IQCM: variants seen among roughly 807,000 people sequenced by gnomAD.
IQCM encodes the protein IQ motif containing M.
Under a neutral mutation model 57.6 loss-of-function variants are expected in IQCM, and 45 were observed. That is an observed-to-expected ratio of 0.78 (90% CI 0.62 to 1.00). The LOEUF is 1.00. Among genes scored for constraint, IQCM ranks in the 50% least tolerant of loss-of-function variants. The pLI is 0.00. For synonymous variants in IQCM, 148 were observed against 158.9 expected (o/e 0.93, Z 0.51); for missense variants, 468 against 511.6 (o/e 0.91, Z 0.82).
chr4:149,730,634 T>C (rs985691929), intron 5 of IQCM, among the ~76,000 whole-genome samples: 1 of 152,226 alleles, frequency 6.6e-6, no homozygotes, highest in Non-Finnish European at 1.5e-5. Context: ...TCTTTCTCTT[T>C]TGAGTTAACA....
intron 12 of IQCM, among the ~76,000 whole-genome samples, chr4:149,442,896 A>C (rs1413325614): frequency 6.6e-6 from 1 of 151,778 alleles, no homozygotes; most frequent in African/African-American, 2.4e-5. Flanking sequence ...CAACTGATAT[A>C]GAGGAAGAAC....
intron 7 of IQCM, among the ~76,000 whole-genome samples, chr4:149,664,820 G>A (rs1579913099): frequency 6.6e-6 from 1 of 152,142 alleles, no homozygotes; most frequent in Non-Finnish European, 1.5e-5. Flanking sequence ...CTCCAGAGAG[G>A]CAGGGACACC....
chr4:149,509,297 A>G (rs185631795), intron 12 of IQCM, among the ~76,000 whole-genome samples: 2 of 151,166 alleles, frequency 1.3e-5, no homozygotes, highest in East Asian at 3.9e-4. Context: ...TTTTTTTTTG[A>G]GACAGGGTGT....
At position 149,741,323 on chromosome 4, in the gene IQCM, C is replaced by A. The variant is rs538574902; in HGVS notation, c.37+1332G>T. ...ATGCTAATAAGTTTCATATATACCT[C>A]AGACATATCTTACAGGGTACTGCCC... is the stretch of plus-strand genomic sequence containing the variant. On this transcript the variant is annotated intron_variant, in intron 3 of 13. Coordinates refer to ENST00000636793, the MANE Select transcript of IQCM (RefSeq NM_001363507.2). Among the ~76,000 whole-genome samples, 4 of 152,218 alleles carry A rather than the reference C, an allele frequency of 2.6e-5. No individual in the cohort carries two copies. The East Asian group carries it at 7.7e-4, about 29-fold the overall frequency.
chr4:149,602,563 T>A (rs920451318), intron 8 of IQCM, among the ~76,000 whole-genome samples: 2 of 152,108 alleles, frequency 1.3e-5, no homozygotes, highest in Non-Finnish European at 2.9e-5. Context: ...TCTGAATCTG[T>A]ATACTTACCT....
At chr4:149,544,035 C>A (rs1030637814) in intron 12 of IQCM, among the ~76,000 whole-genome samples, 4 of 152,036 alleles carry the variant, frequency 2.6e-5, no homozygotes, top group East Asian at 3.9e-4. Flanking sequence ...TCCAAACATA[C>A]AATGAAGCAT....
chr4:149,429,817 C>T (rs1734697444), intron 13 of IQCM: 1 of 387,972 alleles, frequency 2.6e-6, no homozygotes, highest in Admixed American at 4.5e-5. Context: ...AATTTAATAA[C>T]CATGTAATTC....
chr4:149,785,819 T>TAA (rs34985606), intron 2 of IQCM, among the ~76,000 whole-genome samples: 1,455 of 140,770 alleles, frequency 0.01, 82 homozygotes, highest in Admixed American at 0.091. Context: ...TTTAAAAATG[T>TAA]AAAAAAAAAA....
At chr4:149,718,618 A>T (rs1765192788) in intron 5 of IQCM, among the ~76,000 whole-genome samples, 1 of 152,236 alleles carries the variant, frequency 6.6e-6, no homozygotes, top group Admixed American at 6.5e-5. Flanking sequence ...CTTGTGACTT[A>T]AAACGACGAT....
chr4:149,757,156 G>T (rs1322007606), intron 2 of IQCM, among the ~76,000 whole-genome samples: 1 of 152,086 alleles, frequency 6.6e-6, no homozygotes, highest in African/African-American at 2.4e-5. Flanking sequence ...TACTCAGGAG[G>T]CTGAGGCAGG....
chr4:149,390,514 G>A (rs1487541290), intron 13 of IQCM, among the ~76,000 whole-genome samples: 1 of 151,678 alleles, frequency 6.6e-6, no homozygotes, highest in African/African-American at 2.4e-5. Flanking sequence ...TGATCTTAGG[G>A]GAAAAGTAAT....
intron 10 of IQCM, among the ~76,000 whole-genome samples, chr4:149,558,459 C>T (rs142415834): frequency 6.6e-5 from 10 of 152,130 alleles, no homozygotes; most frequent in African/African-American, 1.4e-4. Flanking sequence ...CAAGACTTTG[C>T]GAATAGATTA....
At chr4:149,725,808 G>A (rs887778880) in intron 5 of IQCM, among the ~76,000 whole-genome samples, 5 of 151,950 alleles carry the variant, frequency 3.3e-5, no homozygotes, top group Non-Finnish European at 5.9e-5. Flanking sequence ...ATCCTTCCTC[G>A]AACCAGCTCC....
chr4:149,673,752 T>C lies in IQCM; in HGVS notation c.565+8366A>G, dbSNP rs547971588. On this transcript the variant is annotated intron_variant, in intron 7 of 13. Transcript: ENST00000636793. ...TAACAAGGATATCCAGGAATTGAAC[T>C]CAGCTCTGCACCAAGCGGAACTAAT... 5.4e-4 allele frequency among the ~76,000 whole-genome samples: 82 copies of C among 152,252 alleles called. 1 individual carries two copies. The South Asian group carries it at 0.015, about 28-fold the overall frequency.
At chr4:149,645,006 T>G (rs1227354939) in intron 7 of IQCM, among the ~76,000 whole-genome samples, 1 of 152,178 alleles carries the variant, frequency 6.6e-6, no homozygotes, top group Non-Finnish European at 1.5e-5. Flanking sequence ...TAGACTGGAC[T>G]CTCCTAGATT....
At chr4:149,653,608 G>C (rs1339424284) in intron 7 of IQCM, among the ~76,000 whole-genome samples, 2 of 151,978 alleles carry the variant, frequency 1.3e-5, no homozygotes, top group Admixed American at 6.6e-5. Context: ...CTGAGCCATG[G>C]ATCAGGTGAG....
chr4:149,453,202 T>C (rs1737322450), intron 12 of IQCM, among the ~76,000 whole-genome samples: 1 of 151,642 alleles, frequency 6.6e-6, no homozygotes, highest in Non-Finnish European at 1.5e-5. Flanking sequence ...TAATTATTAA[T>C]TTAAAATGGA....
chr4:149,559,873 C>T (rs1749951801), intron 10 of IQCM, among the ~76,000 whole-genome samples: 1 of 152,218 alleles, frequency 6.6e-6, no homozygotes, highest in African/African-American at 2.4e-5. Flanking sequence ...TGCCTGAGCT[C>T]CTTCTCCTGT....
intron 12 of IQCM, among the ~76,000 whole-genome samples, chr4:149,480,266 C>A (rs1241517043): frequency 2.0e-5 from 3 of 151,998 alleles, no homozygotes; most frequent in African/African-American, 7.3e-5. Context: ...AATAAACAAT[C>A]CAATTACACT....
Sources: gnomAD v4.1 joint callset for allele counts (sites outside exome capture counted in the v4.1 genomes callset) on GRCh38, gnomAD v4.1.1 for gene constraint, MANE v1.5 for transcripts, NCBI Gene and HGNC (gene_info 2026-07-23, HGNC 2026-07-21) for gene names.